Variants in PDE4B observed in about 807,000 individuals in gnomAD.
The protein encoded by PDE4B is 3',5'-cyclic-AMP phosphodiesterase 4B.
PDE4B carries 20 observed loss-of-function variants against 82.2 expected under a neutral mutation model. The ratio of observed to expected loss-of-function variants is 0.24; its 90% CI spans 0.17 to 0.35. The LOEUF (loss-of-function observed/expected upper bound fraction) is 0.35, where lower values mean the gene tolerates loss of function less well. Ranked by LOEUF, PDE4B falls within the 10% of genes least tolerant of loss-of-function variation. The pLI is 1.00. For missense variants in PDE4B, 655 were observed against 907.2 expected, an observed-to-expected ratio of 0.72 and a Z score of 3.57; for synonymous variants, 320 against 318.9, an observed-to-expected ratio of 1.00 and a Z score of -0.04.
chr1:65,911,108 A>G (rs1647085532), intron 1 of PDE4B, among the ~76,000 whole-genome samples: 1 of 152,188 alleles, frequency 6.6e-6, no homozygotes, highest in Non-Finnish European at 1.5e-5. Context: ...TATCATACTC[A>G]AAGGATCATA....
intron 3 of PDE4B, among the ~76,000 whole-genome samples, chr1:66,078,190 T>C (rs1557544648): frequency 6.7e-6 from 1 of 149,286 alleles, no homozygotes. Context: ...TTAAAGCCTC[T>C]TTCTTTCTTT....
intron 4 of PDE4B, 153 bp from the exon 5 acceptor site, chr1:66,257,493 TC>T: frequency 1.2e-6 from 1 of 830,970 alleles, no homozygotes; most frequent in South Asian, 1.3e-5. Context: ...GAATACCCTT[TC>T]GTGCCAAATT....
intron 3 of PDE4B, among the ~76,000 whole-genome samples, chr1:66,067,850 T>C (rs1010868121): frequency 6.7e-6 from 1 of 149,644 alleles, no homozygotes; most frequent in African/African-American, 2.5e-5. Flanking sequence ...AAGTCTTTAA[T>C]CCATCTTGAA....
At chr1:66,252,529 A>G (rs1653866790) in intron 4 of PDE4B, among the ~76,000 whole-genome samples, 2 of 152,226 alleles carry the variant, frequency 1.3e-5, no homozygotes, top group Admixed American at 1.3e-4. Flanking sequence ...AGCCTATTTT[A>G]TAATAAAGTG....
intron 3 of PDE4B, among the ~76,000 whole-genome samples, chr1:66,099,989 A>C (rs1375972556): frequency 6.6e-6 from 1 of 152,072 alleles, no homozygotes; most frequent in Non-Finnish European, 1.5e-5. Flanking sequence ...TGTTTCCTAA[A>C]ATACAATTAC....
At chr1:65,945,540 G>C (rs911602442) in intron 3 of PDE4B, among the ~76,000 whole-genome samples, 1 of 151,944 alleles carries the variant, frequency 6.6e-6, no homozygotes, top group African/African-American at 2.4e-5. Flanking sequence ...CGAATGGCAG[G>C]TTGGTCTCCT....
chr1:66,355,098 C>T, intron 8 of PDE4B: 1 of 439,642 alleles, frequency 2.3e-6, no homozygotes, highest in South Asian at 6.4e-5. Context: ...GTTCTTTTTA[C>T]TGAATTCTGT....
intron 7 of PDE4B, among the ~76,000 whole-genome samples, chr1:66,299,308 A>C (rs1657726499): frequency 6.6e-6 from 1 of 152,158 alleles, no homozygotes; most frequent in African/African-American, 2.4e-5. Flanking sequence ...TCCAGATATT[A>C]GTGAAACTTG....
At chr1:66,294,808 T>G (rs911874235) in intron 7 of PDE4B, among the ~76,000 whole-genome samples, 1 of 151,704 alleles carries the variant, frequency 6.6e-6, no homozygotes, top group Non-Finnish European at 1.5e-5. Context: ...AGGGGAGGAA[T>G]GAAATCCAAA....
At chr1:66,274,327 ATTT>A (rs34185918) in intron 7 of PDE4B, among the ~76,000 whole-genome samples, 51 of 147,942 alleles carry the variant, frequency 3.4e-4, no homozygotes, top group Non-Finnish European at 4.6e-4. Flanking sequence ...CACCCAGCTA[ATTT>A]TTTTTTTTTT....
At chr1:65,841,077 G>T (rs1646201329) in intron 1 of PDE4B, among the ~76,000 whole-genome samples, 1 of 152,084 alleles carries the variant, frequency 6.6e-6, no homozygotes, top group Non-Finnish European at 1.5e-5. Context: ...TAGGTGGATT[G>T]CCTGAGCTCA....
chr1:66,025,512 T>C (rs1653387219), intron 3 of PDE4B, among the ~76,000 whole-genome samples: 1 of 152,086 alleles, frequency 6.6e-6, no homozygotes. Flanking sequence ...ATGTATGAAA[T>C]AGAAAATAAA....
rs1000699615 is a variant in PDE4B, at chr1:66,087,909, C to T, written c.282-159551C>T. Among the ~76,000 whole-genome samples, 6 of 150,570 alleles carry T rather than the reference C, an allele frequency of 4.0e-5. No homozygotes were observed. In the South Asian group the frequency reaches 8.5e-4, roughly 21 times the overall value. The stretch of plus-strand genomic sequence containing the variant: ...GGGAGGGATAGCATTGGGAGATATA[C>T]CTAATGCTAGATGACGAGTTAGTGG... On this transcript the variant is annotated intron_variant, in intron 3 of 16. Coordinates refer to ENST00000341517, the MANE Select transcript of PDE4B (RefSeq NM_002600.4).
At chr1:65,878,991 A>G (rs1379047502) in intron 1 of PDE4B, among the ~76,000 whole-genome samples, 2 of 152,208 alleles carry the variant, frequency 1.3e-5, no homozygotes, top group African/African-American at 2.4e-5. Context: ...GGTATTATCT[A>G]AAGTCTTTAC....
chr1:65,972,336 A>G (rs1047880137), intron 3 of PDE4B, among the ~76,000 whole-genome samples: 3 of 77,150 alleles, frequency 3.9e-5, no homozygotes, highest in Admixed American at 1.7e-4. Context: ...TTATCTTGCC[A>G]TATTTTGGAG....
chr1:66,067,850 TC>T (rs1226718243), intron 3 of PDE4B, among the ~76,000 whole-genome samples: 1 of 149,644 alleles, frequency 6.7e-6, no homozygotes, highest in East Asian at 2.0e-4. Flanking sequence ...AAGTCTTTAA[TC>T]CATCTTGAAT....
intron 7 of PDE4B, among the ~76,000 whole-genome samples, chr1:66,319,322 C>T (rs1659240995): frequency 6.6e-6 from 1 of 152,206 alleles, no homozygotes; most frequent in African/African-American, 2.4e-5. Context: ...TTCACTGACT[C>T]TTGAAATTCC....
chr1:66,186,012 A>T (rs1647199533), intron 3 of PDE4B, among the ~76,000 whole-genome samples: 2 of 152,318 alleles, frequency 1.3e-5, no homozygotes, highest in South Asian at 2.1e-4. Flanking sequence ...TAATTTTTGT[A>T]TAAGGTGTAA....
chr1:66,129,638 C>T (rs868634668), intron 3 of PDE4B, among the ~76,000 whole-genome samples: 1 of 127,802 alleles, frequency 7.8e-6, no homozygotes, highest in Non-Finnish European at 1.6e-5. Flanking sequence ...CCAGCCTGGG[C>T]GACAGAGCGA....
Sources: gnomAD v4.1 joint callset for allele counts (sites outside exome capture counted in the v4.1 genomes callset) on GRCh38, gnomAD v4.1.1 for gene constraint, MANE v1.5 for transcripts, NCBI Gene and HGNC (gene_info 2026-07-23, HGNC 2026-07-21) for gene names.